Variants in EYS observed in about 807,000 individuals in gnomAD.
EYS encodes the protein EGF-like photoreceptor maintenance factor.
Under a neutral mutation model 282.1 loss-of-function variants are expected in EYS, and 250 were observed. The ratio of observed to expected loss-of-function variants is 0.89; its 90% CI spans 0.80 to 0.98. The LOEUF (loss-of-function observed/expected upper bound fraction) is 0.98, where lower values mean the gene tolerates loss of function less well. EYS is among the 50% of genes least tolerant of loss of function. The pLI is 0.00. For synonymous variants in EYS, 1,355 were observed against 1,282.9 expected, an observed-to-expected ratio of 1.06 and a Z score of -1.20; for missense variants, 4,016 against 3,709.0, an observed-to-expected ratio of 1.08 and a Z score of -2.15.
intron 36 of EYS, among the ~76,000 whole-genome samples, chr6:63,828,920 G>T (rs748650171): frequency 6.6e-6 from 1 of 152,212 alleles, no homozygotes; most frequent in Non-Finnish European, 1.5e-5. Context: ...ACTGTGTGGA[G>T]ATTCCTTAAA....
At chr6:64,729,128 G>C (rs964383516) in intron 22 of EYS, 1 of 152,306 alleles carries the variant, frequency 6.6e-6, no homozygotes, top group African/African-American at 2.4e-5. Flanking sequence ...GGCAACATTC[G>C]AGTGGGAAAA....
In EYS at chr6:64,201,315, G is replaced by C. The variant is rs117002211; in HGVS notation, c.6424+29277C>G. 3.9e-5 allele frequency among the ~76,000 whole-genome samples: 6 copies of C among 152,202 alleles called. No individual in the cohort carries two copies. The East Asian group carries it at 1.2e-3, about 29-fold the overall frequency. Reference sequence around the variant, plus strand: ...ACAGAAGGTCTATAAATACTAGTTAGATATTTTTATGAGCTTTTCTACTTC... The same window carrying C: ...ACAGAAGGTCTATAAATACTAGTTACATATTTTTATGAGCTTTTCTACTTC... On this transcript the variant is annotated intron_variant, in intron 31 of 42. Coordinates refer to ENST00000503581, the MANE Select transcript of EYS (RefSeq NM_001142800.2).
intron 14 of EYS, among the ~76,000 whole-genome samples, chr6:64,964,908 C>T (rs1770043556): frequency 6.6e-6 from 1 of 151,950 alleles, no homozygotes; most frequent in Admixed American, 6.6e-5. Context: ...TGGCATACAC[C>T]TGTAATCCCA....
chr6:64,878,168 T>C (rs1338717707), intron 19 of EYS, among the ~76,000 whole-genome samples: 42 of 151,950 alleles, frequency 2.8e-4, no homozygotes, highest in Admixed American at 2.8e-3. Context: ...GAGGTTGCAG[T>C]GAGCAGAGAT....
intron 22 of EYS, among the ~76,000 whole-genome samples, chr6:64,787,237 T>A (rs1774050648): frequency 6.6e-6 from 1 of 152,070 alleles, no homozygotes; most frequent in African/African-American, 2.4e-5. Context: ...GCTCAAAGAG[T>A]AGTTTTATCA....
intron 28 of EYS, among the ~76,000 whole-genome samples, chr6:64,424,346 G>GATATTTTATTATCA (rs1774334911): frequency 1.3e-5 from 2 of 152,046 alleles, no homozygotes; most frequent in African/African-American, 4.8e-5. Flanking sequence ...TTAAAACACT[G>GATATTTTATTATCA]ATATTTTATT....
intron 31 of EYS, among the ~76,000 whole-genome samples, chr6:64,122,450 A>C (rs1180183971): frequency 1.3e-5 from 2 of 152,164 alleles, no homozygotes; most frequent in Non-Finnish European, 2.9e-5. Flanking sequence ...TGATGTGAAT[A>C]AATATACCTA....
intron 12 of EYS, among the ~76,000 whole-genome samples, chr6:65,137,170 T>G (rs903431211): frequency 2.0e-5 from 3 of 151,744 alleles, no homozygotes; most frequent in Admixed American, 6.6e-5. Context: ...TAAATAAAAC[T>G]GACAAAAATA....
At chr6:65,100,272 G>T (rs1774857110) in intron 12 of EYS, among the ~76,000 whole-genome samples, 1 of 150,586 alleles carries the variant, frequency 6.6e-6, no homozygotes, top group African/African-American at 2.4e-5. Flanking sequence ...CTAATGGTCA[G>T]GTTTTTGTCC....
At position 64,174,003 on chromosome 6, in the gene EYS, A is replaced by G. The variant is rs187950722; in HGVS notation, c.6424+56589T>C. Among the ~76,000 whole-genome samples, 25 of 152,296 alleles carry G rather than the reference A, an allele frequency of 1.6e-4. No homozygotes were observed. The East Asian group carries it at 3.7e-3, about 22-fold the overall frequency. ...TTATTTTACCTTAATAAGGAAGGAA[A>G]TCTTGCCATATGTGACAACATGGGT... On this transcript the variant is annotated intron_variant, in intron 31 of 42. Coordinates refer to ENST00000503581, the MANE Select transcript of EYS (RefSeq NM_001142800.2).
intron 14 of EYS, among the ~76,000 whole-genome samples, chr6:64,974,051 AT>A (rs1770391910): frequency 1.3e-5 from 2 of 152,068 alleles, no homozygotes; most frequent in South Asian, 4.1e-4. Flanking sequence ...ATTGGATTCC[AT>A]CATTACATTT....
chr6:64,455,571 T>G (rs372746687), intron 26 of EYS, among the ~76,000 whole-genome samples: 7 of 152,164 alleles, frequency 4.6e-5, no homozygotes, highest in African/African-American at 1.4e-4. Context: ...CCTGCATGCA[T>G]TAGGTATTTG....
At chr6:63,753,361 GAAT>G (rs1337391942) in intron 41 of EYS, among the ~76,000 whole-genome samples, 1 of 151,620 alleles carries the variant, frequency 6.6e-6, no homozygotes. Flanking sequence ...TTTAAATTTT[GAAT>G]AATCATCATC....
intron 19 of EYS, among the ~76,000 whole-genome samples, chr6:64,872,157 A>G (rs1328229893): frequency 1.3e-5 from 2 of 152,040 alleles, no homozygotes; most frequent in African/African-American, 4.8e-5. Flanking sequence ...GGGAGAGTGT[A>G]TGTCCCATCT....
intron 2 of EYS, among the ~76,000 whole-genome samples, chr6:65,527,523 T>A (rs1767614104): frequency 6.6e-6 from 1 of 152,194 alleles, no homozygotes. Context: ...ATCCAGTTTC[T>A]CTTCAGGTCA....
intron 29 of EYS, among the ~76,000 whole-genome samples, chr6:64,315,602 C>T (rs4513768): frequency 6.6e-6 from 1 of 150,702 alleles, no homozygotes. Flanking sequence ...GGGATGCAAG[C>T]CTGGTTCAAC....
chr6:65,351,612 A>G (rs773451266), intron 9 of EYS, among the ~76,000 whole-genome samples: 2 of 151,768 alleles, frequency 1.3e-5, no homozygotes, highest in African/African-American at 2.4e-5. Flanking sequence ...AGTTCTCAAA[A>G]GAAGTTTAAT....
At chr6:63,877,265 CA>C (rs1562073830) in intron 35 of EYS, among the ~76,000 whole-genome samples, 1 of 152,116 alleles carries the variant, frequency 6.6e-6, no homozygotes, top group East Asian at 1.9e-4. Context: ...CTGGGTTGAA[CA>C]TTCTTTTCCT....
At chr6:64,325,313 T>G (rs562996318) in intron 29 of EYS, among the ~76,000 whole-genome samples, 1 of 152,138 alleles carries the variant, frequency 6.6e-6, no homozygotes, top group African/African-American at 2.4e-5. Flanking sequence ...AGAAGAGAGA[T>G]AACAATCATT....
Sources: allele counts gnomAD v4.1 joint callset (sites outside exome capture counted in the v4.1 genomes callset), GRCh38; gene constraint gnomAD v4.1.1; transcripts MANE v1.5; gene names NCBI Gene and HGNC (gene_info 2026-07-23, HGNC 2026-07-21).